IL1RAPL2: variants seen among roughly 807,000 people sequenced by gnomAD.
IL1RAPL2 encodes X-linked interleukin-1 receptor accessory protein-like 2.
Under a neutral mutation model 44.1 loss-of-function variants are expected in IL1RAPL2, and 3 were observed. That is an observed-to-expected ratio of 0.07 (90% CI 0.03 to 0.18). The LOEUF (loss-of-function observed/expected upper bound fraction) is 0.18, where lower values mean the gene tolerates loss of function less well. Ranked by LOEUF, IL1RAPL2 falls within the 10% of genes least tolerant of loss-of-function variation. The pLI is 1.00. For synonymous variants in IL1RAPL2, 181 were observed against 178.8 expected (o/e 1.01, Z -0.10); for missense variants, 391 against 496.4 (o/e 0.79, Z 2.02).
rs749462216 is a variant in IL1RAPL2 at position 105,527,806 on chromosome X, C to T, written c.772+43419C>T. ...TCCCTTAAAATGTATCAAGTAGTATCTTTGTGACCCTGCCACCTTTCCTTC... is the reference window on the plus strand; with the variant it reads ...TCCCTTAAAATGTATCAAGTAGTATTTTTGTGACCCTGCCACCTTTCCTTC... On this transcript the variant is annotated intron_variant, in intron 6 of 10. Coordinates refer to ENST00000372582, the MANE Select transcript of IL1RAPL2 (RefSeq NM_017416.2). Among the ~76,000 whole-genome samples the T allele has an allele frequency of 9.0e-5, 10 of 111,201 alleles. No homozygotes were observed. The South Asian group carries it at 3.8e-3, about 42-fold the overall frequency.
intron 6 of IL1RAPL2, among the ~76,000 whole-genome samples, chrX:105,564,612 G>A (rs2036961830): frequency 9.0e-6 from 1 of 111,641 alleles, no homozygotes; most frequent in African/African-American, 3.3e-5. Context: ...CTTTTTAATA[G>A]TATAGTAGTA....
intron 6 of IL1RAPL2, among the ~76,000 whole-genome samples, chrX:105,642,172 C>T (rs780274389): frequency 2.4e-4 from 26 of 109,854 alleles, no homozygotes; most frequent in Admixed American, 5.9e-4. Flanking sequence ...CTCACTCCTG[C>T]CCCATCAACA....
chrX:105,484,100 C>T (rs1013909195), intron 5 of IL1RAPL2, among the ~76,000 whole-genome samples: 6 of 111,328 alleles, frequency 5.4e-5, no homozygotes, highest in Admixed American at 1.9e-4. Context: ...GTCAAAATGG[C>T]CTATTTACAG....
intron 2 of IL1RAPL2, among the ~76,000 whole-genome samples, chrX:105,086,573 G>A (rs774761044): frequency 3.9e-4 from 43 of 110,631 alleles, no homozygotes; most frequent in African/African-American, 1.3e-3. Context: ...GAAGGCTATC[G>A]TTAATAATCA....
chrX:104,686,787 C>G (rs1930996265), intron 2 of IL1RAPL2, among the ~76,000 whole-genome samples: 1 of 112,071 alleles, frequency 8.9e-6, no homozygotes, highest in African/African-American at 3.2e-5. Flanking sequence ...TGGGCCTGAA[C>G]TCTCCCACCG....
At chrX:105,500,922 C>T (rs1298211425) in intron 6 of IL1RAPL2, among the ~76,000 whole-genome samples, 1 of 111,755 alleles carries the variant, frequency 8.9e-6, no homozygotes, top group Non-Finnish European at 1.9e-5. Context: ...GAGCTGCAAT[C>T]CCAGGAAGAA....
At chrX:104,943,404 T>G (rs1410321228) in intron 2 of IL1RAPL2, among the ~76,000 whole-genome samples, 2 of 112,153 alleles carry the variant, frequency 1.8e-5, no homozygotes, top group African/African-American at 6.5e-5. Flanking sequence ...AGTTAATGTT[T>G]CCCAAACTAA....
At chrX:105,747,492 ATGTGTGTG>A (rs748769479) in intron 8 of IL1RAPL2, among the ~76,000 whole-genome samples, 6,701 of 59,409 alleles carry the variant, frequency 0.11, 286 homozygotes, top group Non-Finnish European at 0.14. Context: ...GTGTGTGTGT[ATGTGTGTG>A]TGTGTGTGTG....
intron 2 of IL1RAPL2, among the ~76,000 whole-genome samples, chrX:104,807,226 G>A (rs990998128): frequency 9.0e-6 from 1 of 111,160 alleles, no homozygotes; most frequent in African/African-American, 3.3e-5. Context: ...ATCCTTTCCT[G>A]TTACTTCCCG....
chrX:104,897,213 A>G (rs148502919), intron 2 of IL1RAPL2, among the ~76,000 whole-genome samples: 1,179 of 111,966 alleles, frequency 0.011, 16 homozygotes, highest in African/African-American at 0.035. Context: ...GAATCATCTG[A>G]AGGCTCAAGA....
At chrX:105,456,906 A>G (rs184023981) in intron 5 of IL1RAPL2, among the ~76,000 whole-genome samples, 4 of 111,167 alleles carry the variant, frequency 3.6e-5, no homozygotes, top group African/African-American at 1.3e-4. Flanking sequence ...ATTTTAAAGT[A>G]TCCTTTACAT....
intron 2 of IL1RAPL2, among the ~76,000 whole-genome samples, chrX:105,005,342 A>G (rs1442862424): frequency 9.0e-6 from 1 of 111,300 alleles, no homozygotes; most frequent in Admixed American, 9.5e-5. Context: ...CAGACCACTT[A>G]ATAACTTGAT....
rs189944239 is a variant in IL1RAPL2 at position 104,823,307 on chromosome X, T to A, written c.82+164312T>A. Among the ~76,000 whole-genome samples the A allele has an allele frequency of 1.7e-4, 19 of 111,056 alleles. 1 individual carries two copies. The highest frequency in any genetic ancestry group is 2.9e-4 in the East Asian group (1 of 3,508). ...ATATTCCCCTTCCTGTGTCCATGTG[T>A]TCTCATTGTTCAGTTCCCACCTATG... On this transcript the variant is annotated intron_variant, in intron 2 of 10. Transcript: ENST00000372582.
intron 6 of IL1RAPL2, among the ~76,000 whole-genome samples, chrX:105,661,335 C>T (rs916951834): frequency 1.3e-4 from 15 of 111,673 alleles, no homozygotes; most frequent in East Asian, 5.7e-4. Context: ...CTGGAGACTT[C>T]GACACATCAC....
chrX:105,358,037 T>TAAAAAAAAAAAAAAAAAAAAAAAAAAAAA, intron 5 of IL1RAPL2, among the ~76,000 whole-genome samples: 1 of 40,817 alleles, frequency 2.4e-5, no homozygotes, highest in Admixed American at 3.7e-4. Context: ...ATCCTATTTC[T>TAAAAAAAAAAAAAAAAAAAAAAAAAAAAA]AAAAAAAAAA....
At chrX:105,610,968 T>C (rs926297686) in intron 6 of IL1RAPL2, among the ~76,000 whole-genome samples, 3 of 111,928 alleles carry the variant, frequency 2.7e-5, no homozygotes, top group Admixed American at 1.9e-4. Flanking sequence ...AATCTTCACA[T>C]GTGTTGTTGC....
chrX:105,289,910 AAG>A (rs1200514863), intron 5 of IL1RAPL2, among the ~76,000 whole-genome samples: 1 of 111,697 alleles, frequency 9.0e-6, no homozygotes, highest in Non-Finnish European at 1.9e-5. Flanking sequence ...CTGGGGAGAT[AAG>A]AGAGAAACAG....
chrX:105,037,898 A>G (rs1199197348), intron 2 of IL1RAPL2, among the ~76,000 whole-genome samples: 2 of 111,509 alleles, frequency 1.8e-5, no homozygotes, highest in African/African-American at 6.5e-5. Flanking sequence ...TTTGAACACA[A>G]CTAGAGGAGG....
intron 3 of IL1RAPL2, among the ~76,000 whole-genome samples, chrX:105,227,558 C>T (rs1556191007): frequency 8.9e-6 from 1 of 111,826 alleles, no homozygotes; most frequent in African/African-American, 3.2e-5. Context: ...ATATTTTTAT[C>T]CTTATATTAG....
Sources: allele counts gnomAD v4.1 joint callset (sites outside exome capture counted in the v4.1 genomes callset), GRCh38; gene constraint gnomAD v4.1.1; transcripts MANE v1.5; gene names NCBI Gene and HGNC (gene_info 2026-07-23, HGNC 2026-07-21).